Variants in KDM6B observed in about 807,000 individuals in gnomAD.
KDM6B encodes the protein lysine demethylase 6B.
Under a neutral mutation model 150.4 loss-of-function variants are expected in KDM6B, and 22 were observed. That is an observed-to-expected ratio of 0.15 (90% CI 0.10 to 0.21). The LOEUF (loss-of-function observed/expected upper bound fraction) is 0.21. Ranked by LOEUF, KDM6B falls within the 10% of genes least tolerant of loss-of-function variation. The pLI is 1.00. For synonymous variants in KDM6B, 1,148 were observed against 921.1 expected, an observed-to-expected ratio of 1.25 and a Z score of -4.46; for missense variants, 1,984 against 2,234.3, an observed-to-expected ratio of 0.89 and a Z score of 2.26.
Position 7,847,249 on chromosome 17 carries a change from G to A in KDM6B, c.1054G>A (p.Ala352Thr), listed in dbSNP as rs2078570198. The change falls in exon 11 of 24, where the codon GCC becomes ACC. Residue 352 changes from alanine (A) to threonine (T), a missense_variant. Around this residue, in one of 13 missense-constraint regions of KDM6B, gnomAD observed 1,379 missense variants for 1,275.6 expected, o/e 1.08. Coordinates refer to ENST00000448097, the MANE Select transcript of KDM6B (RefSeq NM_001348716.2). Reference sequence around the variant, plus strand: ...AGCAGAGAGCCATGGCTGCCTGCCTGCCACCCGTCCCCCCGGAAGTGACCT... The same window carrying A: ...AGCAGAGAGCCATGGCTGCCTGCCTACCACCCGTCCCCCCGGAAGTGACCT... ...PGAESHGCLP[A>T]TRPPGSDLRE... 6.2e-7 allele frequency: 1 copy of A among 1,601,132 alleles called. No individual in the cohort carries two copies. Among genetic ancestry groups the A allele is most frequent in the African/African-American group, 1.3e-5 (1 of 74,124 alleles).
Position 7,849,633 on chromosome 17 carries a change from G to A in KDM6B, c.3345G>A (p.Lys1115=), listed in dbSNP as rs2078650456. ...IRLIKVESGD[K]ETFIASEVEE... ...TCATCAAGGTAGAGAGTGGTGACAA[G>A]GAGACCTTTATCGCCTCTGAGGTGG... Residue 1115 remains lysine, a synonymous_variant, in exon 12 of 24, where the codon AAG becomes AAA. Transcript: ENST00000448097. 1.9e-6 allele frequency: 3 copies of A among 1,611,480 alleles called. No individual in the cohort carries two copies. The highest frequency in any genetic ancestry group is 2.5e-6 in the Non-Finnish European group (3 of 1,179,996).
intron 1 of KDM6B, among the ~76,000 whole-genome samples, chr17:7,839,155 G>T (rs952339869): frequency 2.3e-4 from 35 of 152,142 alleles, no homozygotes; most frequent in African/African-American, 7.7e-4. Flanking sequence ...GACCCCTGAT[G>T]GACACCTGAT....
Position 7,848,681 on chromosome 17 carries a change from C to A in KDM6B, c.2393C>A (p.Pro798His). The A allele has an allele frequency of 9.9e-6, 16 of 1,611,336 alleles. No homozygotes were observed. The highest frequency in any genetic ancestry group is 1.4e-5 in the Non-Finnish European group (16 of 1,179,682). ...CCACAGCCACCACCACCCCCACCCC[C>A]CAGCCCGGCCAGCCTGCTCAAATCC... The part of the protein sequence containing the change: ...SQPQPPPPPP[P>H]SPASLLKSLA... The change falls in exon 12 of 24, where the codon CCC becomes CAC. Residue 798 changes from proline to histidine, a missense_variant. Physicochemically the swap from Pro to His is moderately conservative, Grantham distance 77. Transcript: ENST00000448097.
chr17:7,837,505 G>A lies in KDM6B; in HGVS notation c.-387-2401G>A, dbSNP rs117817640. Among the ~76,000 whole-genome samples the A allele has an allele frequency of 4.9e-3, 752 of 152,292 alleles. 5 individuals carry two copies. Among genetic ancestry groups the A allele is most frequent in the Non-Finnish European group, 8.4e-3 (571 of 68,034 alleles). On this transcript the variant is annotated intron_variant, in intron 1 of 23. Transcript: ENST00000448097. ...TTGTTCTTCTCTATTAAGTCCCAGG[G>A]TTGGTGATGGTATTGGAATGAATCG... is the stretch of plus-strand genomic sequence containing the variant.
Position 7,849,436 on chromosome 17 carries a change from C to A in KDM6B, c.3148C>A (p.Pro1050Thr). ...CTCCAAGGCCAAGCCACCCACAGCT[C>A]CAGCCCCTCCATCAGCTCCTGCACC... is the stretch of plus-strand genomic sequence containing the variant. ...GASKAKPPTAPAPPSAPAPSA... is the reference protein window; with the variant it reads ...GASKAKPPTATAPPSAPAPSA... The change falls in exon 12 of 24, where the codon CCA (proline) becomes ACA (threonine). Residue 1050 changes from proline to threonine, a missense_variant. Physicochemically the swap from Pro to Thr is conservative, Grantham distance 38 (BLOSUM62 -1). Coordinates refer to ENST00000448097, the MANE Select transcript of KDM6B (RefSeq NM_001348716.2). 1 of 1,612,414 alleles carries A rather than the reference C, an allele frequency of 6.2e-7. No homozygotes were observed. The highest frequency in any genetic ancestry group is 2.2e-5 in the East Asian group (1 of 44,824).
chr17:7,851,187 C>T lies in KDM6B; in HGVS notation c.3840C>T (p.Tyr1280=), dbSNP rs201356970. The T allele has an allele frequency of 2.0e-5, 33 of 1,613,998 alleles. No individual in the cohort carries two copies. The Admixed American group carries it at 3.5e-4, about 17-fold the overall frequency. The change falls in exon 15 of 24, where the codon TAC becomes TAT. Residue 1280 remains tyrosine (Y), a synonymous_variant. Coordinates refer to ENST00000448097, the MANE Select transcript of KDM6B (RefSeq NM_001348716.2). ...SSRSHTTIAK[Y]AQYQASSFQE... is the part of the protein sequence containing the mutation. ...GTTCCCACACCACCATTGCCAAGTACGCACAGTACCAGGCCTCATCCTTCC... is the reference window on the plus strand; with the variant it reads ...GTTCCCACACCACCATTGCCAAGTATGCACAGTACCAGGCCTCATCCTTCC...
At chr17:7,849,986 A>C (rs1236479623) in intron 13 of KDM6B, 39 bp downstream of exon 13, 2 of 1,613,388 alleles carry the variant, frequency 1.2e-6, no homozygotes, top group African/African-American at 2.7e-5. Flanking sequence ...CCCCTGCCAG[A>C]GGGTTCTAAG....
intron 1 of KDM6B, among the ~76,000 whole-genome samples, chr17:7,837,190 C>G (rs1393012664): frequency 1.3e-5 from 2 of 152,184 alleles, no homozygotes; most frequent in Admixed American, 1.3e-4. Flanking sequence ...CGTCATTTTA[C>G]TTTCCCACCT....
chr17:7,847,546 C>G lies in KDM6B; in HGVS notation c.1258C>G (p.Pro420Ala), dbSNP rs2078581300. The G allele has an allele frequency of 1.2e-6, 2 of 1,613,152 alleles. No individual in the cohort carries two copies. The highest frequency in any genetic ancestry group is 2.2e-5 in the South Asian group (2 of 91,064). ...CTACCACCTGCTTCTACACTTGCAG[C>G]CCGGCGCTGACCATTACCAAACTCC... ...LRGVEPNPGI[P>A]GADHYQTPAL... Residue 420 changes from proline (P) to alanine (A), a missense_variant and splice_region_variant, in exon 12 of 24, where the codon CCC (proline) becomes GCC (alanine). Around this residue, in one of 13 missense-constraint regions of KDM6B, gnomAD observed 1,379 missense variants for 1,275.6 expected, o/e 1.08. Coordinates refer to ENST00000448097, the MANE Select transcript of KDM6B (RefSeq NM_001348716.2).
chr17:7,850,486 G>A (rs577258304), intron 14 of KDM6B, among the ~76,000 whole-genome samples: 15 of 152,298 alleles, frequency 9.8e-5, no homozygotes, highest in Middle Eastern at 3.4e-3. Context: ...CTTTTATTGC[G>A]CAGAATTTCA....
chr17:7,839,952 C>A lies in KDM6B; in HGVS notation c.-341C>A, dbSNP rs1456765180. 1 of 152,642 alleles carries A rather than the reference C, an allele frequency of 6.6e-6. No individual in the cohort carries two copies. Among genetic ancestry groups the A allele is most frequent in the Non-Finnish European group, 1.5e-5 (1 of 68,052 alleles). 9.5% of individuals were successfully genotyped at this position (152,642 alleles called of 1,614,324 possible). On this transcript the variant is annotated 5_prime_UTR_variant, in exon 2 of 24. Coordinates refer to ENST00000448097, the MANE Select transcript of KDM6B (RefSeq NM_001348716.2). ...CAGCCCCGTAGCACTGCCCACCCCA[C>A]CCACTGTGGTCTGTTGTACCCCACT...
chr17:7,841,595 C>G (rs1022303135), intron 2 of KDM6B, among the ~76,000 whole-genome samples: 1 of 152,142 alleles, frequency 6.6e-6, no homozygotes, highest in African/African-American at 2.4e-5. Flanking sequence ...GACAGGAACG[C>G]GTCAGACACA....
chr17:7,851,780 C>G lies in KDM6B; in HGVS notation c.4149C>G (p.Pro1383=). The G allele has an allele frequency of 6.4e-7, 1 of 1,554,554 alleles. No individual in the cohort carries two copies. Among genetic ancestry groups the G allele is most frequent in the Non-Finnish European group, 8.7e-7 (1 of 1,149,640 alleles). ...CGGTGCAGCTGTACATGAAGGTGCC[C>G]GGCAGCCGAACGCCAGGTGCGCTCC... The part of the protein sequence containing the change: ...MNTVQLYMKV[P]GSRTPGHQEN... The change falls in exon 18 of 24, where the codon CCC becomes CCG. Residue 1383 remains proline (P), a synonymous_variant. Coordinates refer to ENST00000448097, the MANE Select transcript of KDM6B (RefSeq NM_001348716.2).
Position 7,845,643 on chromosome 17 carries a change from C to G in KDM6B, c.89C>G (p.Ser30Cys), listed in dbSNP as rs1438275302. ...CTGAGCTGTGCTGGGGCCTGGAGCT[C>G]CTGCCCGCCTCATCCCCCTCCTCGT... ...GGLSCAGAWS[S>C]CPPHPPPRSA... Residue 30 changes from serine to cysteine, a missense_variant, in exon 5 of 24, where the codon TCC (serine) becomes TGC (cysteine). Coordinates refer to ENST00000448097, the MANE Select transcript of KDM6B (RefSeq NM_001348716.2). 1 of 1,613,952 alleles carries G rather than the reference C, an allele frequency of 6.2e-7. No homozygotes were observed. The highest frequency in any genetic ancestry group is 8.5e-7 in the Non-Finnish European group (1 of 1,180,022).
rs755801518 is a variant in KDM6B at position 7,846,603 on chromosome 17, C to T, written c.574C>T (p.Arg192Trp). Reference protein sequence around the residue: ...LEHKRNYGAKRGGPPVKRAAE... With the variant: ...LEHKRNYGAKWGGPPVKRAAE... ...GCACAAACGGAACTATGGAGCCAAG[C>T]GGGGAGGTCCCCCGGTGAAGCGAGC... Residue 192 changes from arginine to tryptophan, a missense_variant, in exon 9 of 24, where the codon CGG (arginine) becomes TGG (tryptophan). Physicochemically the swap from Arg to Trp is moderately radical, Grantham distance 101. Coordinates refer to ENST00000448097, the MANE Select transcript of KDM6B (RefSeq NM_001348716.2). 18 of 1,613,956 alleles carry T rather than the reference C, an allele frequency of 1.1e-5. No individual in the cohort carries two copies. Among genetic ancestry groups the T allele is most frequent in the East Asian group, 4.5e-5 (2 of 44,880 alleles).
intron 14 of KDM6B, 62 bp from the exon 15 acceptor site, chr17:7,850,959 T>C (rs2078680009): frequency 2.1e-6 from 3 of 1,427,172 alleles, no homozygotes; most frequent in Non-Finnish European, 2.9e-6. Flanking sequence ...AAAGGGTCGA[T>C]TGGGTCCTCG....
In KDM6B at chr17:7,847,031, G is replaced by A. The variant is rs1472948824; in HGVS notation, c.909+15G>A. ...CAGAGCGCCAGGTGAGCCCCTGCCT[G>A]TTGCCTTTCACCTCTCACCTACAAG... On this transcript the variant is annotated intron_variant, in intron 10 of 23. Transcript: ENST00000448097. 1.2e-6 allele frequency: 2 copies of A among 1,613,026 alleles called. No homozygotes were observed. Among genetic ancestry groups the A allele is most frequent in the Non-Finnish European group, 1.7e-6 (2 of 1,179,364 alleles).
chr17:7,849,752 G>T, intron 12 of KDM6B, 24 bp downstream of exon 12: 1 of 1,612,694 alleles, frequency 6.2e-7, no homozygotes, highest in Non-Finnish European at 8.5e-7. Flanking sequence ...CTGCTTGCTT[G>T]TCCCGGAGAC....
Position 7,849,219 on chromosome 17 carries a change from G to A in KDM6B, c.2931G>A (p.Lys977=), listed in dbSNP as rs948914504. ...CAGGCAGCTGTAAGCGGCGACAGAA[G>A]GAGCATCAGAAGGAGCATCGGCGGC... ...AVSGSCKRRQ[K]EHQKEHRRHR... is the part of the protein sequence containing the mutation. Residue 977 remains lysine, a synonymous_variant, in exon 12 of 24, where the codon AAG becomes AAA. Transcript: ENST00000448097. 1.9e-6 allele frequency: 3 copies of A among 1,590,188 alleles called. No homozygotes were observed. Among genetic ancestry groups the A allele is most frequent in the East Asian group, 2.4e-5 (1 of 42,448 alleles).
Sources: allele counts gnomAD v4.1 joint callset (sites outside exome capture counted in the v4.1 genomes callset), GRCh38; gene constraint gnomAD v4.1.1; regional missense constraint gnomAD v4.1.1; transcripts MANE v1.5; gene names NCBI Gene and HGNC (gene_info 2026-07-23, HGNC 2026-07-21).